The following ST7L variants were observed in gnomAD, a reference collection of about 807,000 sequenced individuals.
ST7L encodes the protein suppressor of tumorigenicity 7 protein-like.
Under a neutral mutation model 72.5 loss-of-function variants are expected in ST7L, and 57 were observed. The ratio of observed to expected loss-of-function variants is 0.79; its 90% CI spans 0.64 to 0.98. ST7L has a LOEUF of 0.98. ST7L is among the 50% of genes least tolerant of loss of function. ST7L has a pLI of 0.00. For synonymous variants in ST7L, 221 were observed against 240.9 expected, an observed-to-expected ratio of 0.92 and a Z score of 0.77; for missense variants, 576 against 672.2, an observed-to-expected ratio of 0.86 and a Z score of 1.58.
At chr1:112,599,073 A>AATATATATATATAT in intron 4 of ST7L, among the ~76,000 whole-genome samples, 1 of 57,000 alleles carries the variant, frequency 1.8e-5, no homozygotes, top group Non-Finnish European at 3.1e-5. Context: ...AAAAAAAAAA[A>AATATATATATATAT]ATATATATAT....
chr1:112,536,681 G>A (rs1655261792), intron 14 of ST7L, among the ~76,000 whole-genome samples: 1 of 152,000 alleles, frequency 6.6e-6, no homozygotes, highest in Non-Finnish European at 1.5e-5. Flanking sequence ...GGCTAATGTA[G>A]TCCTTAAAGA....
intron 3 of ST7L, among the ~76,000 whole-genome samples, chr1:112,604,200 C>G (rs576094540): frequency 1.3e-5 from 2 of 152,102 alleles, no homozygotes; most frequent in East Asian, 3.9e-4. Context: ...TCTCAGCTAC[C>G]TGGGAGGCTG....
intron 5 of ST7L, among the ~76,000 whole-genome samples, chr1:112,594,654 T>G (rs1046140900): frequency 2.0e-5 from 3 of 152,220 alleles, no homozygotes; most frequent in Non-Finnish European, 4.4e-5. Context: ...TATCTTAGAA[T>G]CTGAATTCAG....
chr1:112,527,189 AC>A (rs1360455206), intron 14 of ST7L: 1 of 152,276 alleles, frequency 6.6e-6, no homozygotes, highest in Non-Finnish European at 1.5e-5. Context: ...CTAATCCTGC[AC>A]CCCAACTGTT....
chr1:112,579,161 G>C (rs567663872), intron 9 of ST7L, among the ~76,000 whole-genome samples: 28 of 152,158 alleles, frequency 1.8e-4, no homozygotes, highest in African/African-American at 6.3e-4. Flanking sequence ...GAGGTGGGTG[G>C]ATCACGAGGT....
downstream of ST7L, chr1:112,520,600 C>A: frequency 7.6e-7 from 1 of 1,310,682 alleles, no homozygotes; most frequent in Non-Finnish European, 1.1e-6. Context: ...CACCCTCCAC[C>A]CTGGGCTGCT....
intron 13 of ST7L, among the ~76,000 whole-genome samples, chr1:112,543,884 A>AC (rs1281017696): frequency 2.0e-5 from 3 of 151,398 alleles, no homozygotes; most frequent in East Asian, 1.9e-4. Flanking sequence ...AAAAAAAAAA[A>AC]AAAAAAACCT....
At position 112,525,811 on chromosome 1, in the gene ST7L, C is replaced by A; in HGVS notation, c.*202G>T. 1.7e-6 allele frequency: 1 copy of A among 592,430 alleles called. No homozygotes were observed. Among genetic ancestry groups the A allele is most frequent in the Non-Finnish European group, 2.7e-6 (1 of 368,998 alleles). 36.7% of individuals were successfully genotyped at this position (592,430 alleles called of 1,614,324 possible). A position where few individuals can be genotyped will look rare whatever the true frequency, so the allele number is the denominator to read the frequency against. ...GAAGAAAAAAGGAAGACAATTTCAT[C>A]TACAGTTGTCCTTTTTGACAGCTTC... is the stretch of plus-strand genomic sequence containing the variant. On this transcript the variant is annotated 3_prime_UTR_variant, in exon 15 of 15. Transcript: ENST00000358039.
chr1:112,548,777 C>G (rs1238710241), intron 13 of ST7L, among the ~76,000 whole-genome samples: 1 of 152,194 alleles, frequency 6.6e-6, no homozygotes, highest in Non-Finnish European at 1.5e-5. Flanking sequence ...GAGGAAAGAA[C>G]AGATGATAAG....
intron 9 of ST7L, among the ~76,000 whole-genome samples, chr1:112,581,134 G>A (rs1481068804): frequency 2.6e-5 from 4 of 152,036 alleles, no homozygotes; most frequent in East Asian, 1.9e-4. Flanking sequence ...CTATTATAAC[G>A]ATCATATTAT....
chr1:112,593,891 G>T (rs2101971726), intron 5 of ST7L, among the ~76,000 whole-genome samples: 1 of 152,148 alleles, frequency 6.6e-6, no homozygotes, highest in South Asian at 2.1e-4. Context: ...TATAAATCAT[G>T]ACCTTTATGT....
intron 13 of ST7L, among the ~76,000 whole-genome samples, chr1:112,542,521 G>A (rs949819861): frequency 3.3e-5 from 5 of 152,108 alleles, no homozygotes; most frequent in Non-Finnish European, 7.4e-5. Context: ...GCTTTGGGGG[G>A]CCAAAGAGGA....
At chr1:112,567,794 A>T (rs931682827) in intron 11 of ST7L, among the ~76,000 whole-genome samples, 1 of 152,042 alleles carries the variant, frequency 6.6e-6, no homozygotes, top group African/African-American at 2.4e-5. Flanking sequence ...ATGACAGTAT[A>T]TATGTGGATC....
chr1:112,619,568 A>G (rs1475064400), upstream of ST7L: 4 of 531,264 alleles, frequency 7.5e-6, no homozygotes, highest in African/African-American at 7.8e-5. Flanking sequence ...GAATAATCGA[A>G]ACACGCTGCC....
chr1:112,599,376 T>C (rs770563337), intron 4 of ST7L, among the ~76,000 whole-genome samples: 28 of 152,164 alleles, frequency 1.8e-4, no homozygotes, highest in Non-Finnish European at 3.7e-4. Flanking sequence ...TGCTTAGTCA[T>C]TTTTGTATCT....
intron 11 of ST7L, among the ~76,000 whole-genome samples, chr1:112,571,537 C>T (rs1398373423): frequency 2.0e-5 from 3 of 152,158 alleles, no homozygotes; most frequent in Admixed American, 6.5e-5. Flanking sequence ...AGTGATTCTC[C>T]TGCCTCAGCC....
chr1:112,551,145 T>C (rs919999562), intron 12 of ST7L, among the ~76,000 whole-genome samples: 2 of 132,100 alleles, frequency 1.5e-5, no homozygotes, highest in Admixed American at 7.5e-5. Flanking sequence ...GATCTTTTTT[T>C]TTTTTTTTTT....
rs1291150411 is a variant in ST7L, at chr1:112,599,158, ACACTT to A, written c.507-1077_507-1073del. Among the ~76,000 whole-genome samples the A allele has an allele frequency of 5.0e-4, 61 of 122,944 alleles. 1 individual carries two copies. In the East Asian group the frequency reaches 0.015, roughly 30 times the overall value. The allele number at this position is 122,944 out of a possible 152,430, so 80.7% of individuals were successfully genotyped here. A position where few individuals can be genotyped will look rare whatever the true frequency, so the allele number is the denominator to read the frequency against. On this transcript the variant is annotated intron_variant, in intron 4 of 14. Transcript: ENST00000358039. ...CACACACACACACACACACACACAC[ACACTT>A]CTTTTCAAGATCTTCAGGAAATGGA... is the stretch of plus-strand genomic sequence containing the variant.
chr1:112,613,310 G>A (rs1180235002), intron 2 of ST7L, among the ~76,000 whole-genome samples: 1 of 146,184 alleles, frequency 6.8e-6, no homozygotes, highest in Non-Finnish European at 1.5e-5. Context: ...AGCTTTCTAT[G>A]AGCCACACAT....
Sources: gnomAD v4.1 joint callset for allele counts (sites outside exome capture counted in the v4.1 genomes callset) on GRCh38, gnomAD v4.1.1 for gene constraint, MANE v1.5 for transcripts, NCBI Gene and HGNC (gene_info 2026-07-23, HGNC 2026-07-21) for gene names.